ZNF831: variants seen among roughly 807,000 people sequenced by gnomAD.
The protein encoded by ZNF831 is zinc finger protein 831.
Under a neutral mutation model 95.8 loss-of-function variants are expected in ZNF831, and 59 were observed. The ratio of observed to expected loss-of-function variants is 0.62; its 90% confidence interval spans 0.50 to 0.77. ZNF831 has a LOEUF of 0.77. ZNF831 is among the 30% of genes least tolerant of loss of function. The pLI is 0.00. For missense variants in ZNF831, 2,205 were observed against 2,164.0 expected (o/e 1.02, Z -0.38); for synonymous variants, 961 against 925.5 (o/e 1.04, Z -0.70).
At chr20:59,205,422 G>A (rs866328109) in intron 3 of ZNF831, among the ~76,000 whole-genome samples, 6 of 152,148 alleles carry the variant, frequency 3.9e-5, no homozygotes, top group Admixed American at 6.5e-5. Flanking sequence ...CCCCCCAGCC[G>A]GGGAATGACA....
chr20:59,188,163 T>C lies in ZNF831; in HGVS notation c.-36-2821T>C, dbSNP rs1225448193. On this transcript the variant is annotated intron_variant, in intron 1 of 5. Transcript: ENST00000371030. Reference sequence around the variant, plus strand: ...TTTTCAATTCTTTGGGGTATATACCTAGACGTAGAATTGCTGGATCCTATG... The same window carrying C: ...TTTTCAATTCTTTGGGGTATATACCCAGACGTAGAATTGCTGGATCCTATG... 2.6e-5 allele frequency among the ~76,000 whole-genome samples: 4 copies of C among 152,238 alleles called. No homozygotes were observed. In the East Asian group the frequency reaches 5.8e-4, roughly 22 times the overall value.
At chr20:59,236,433 A>G (rs1212255492) in intron 4 of ZNF831, among the ~76,000 whole-genome samples, 3 of 150,720 alleles carry the variant, frequency 2.0e-5, no homozygotes, top group Non-Finnish European at 4.4e-5. Flanking sequence ...ATGAGGGGCC[A>G]TTTTCTTTTA....
rs746923342 is a variant in ZNF831, at chr20:59,191,641, G to C, written c.622G>C (p.Gly208Arg). Residue 208 changes from glycine to arginine, a missense_variant, in exon 2 of 6, where the codon GGC becomes CGC. Coordinates refer to ENST00000371030, the MANE Select transcript of ZNF831 (RefSeq NM_178457.3). Reference sequence around the variant, plus strand: ...CTCCCGGCTGTCCTCAGAGTCCGAGGGCGCCGGGGGCGGCCTCCTGGAGGA... The same window carrying C: ...CTCCCGGCTGTCCTCAGAGTCCGAGCGCGCCGGGGGCGGCCTCCTGGAGGA... ...NNSRLSSESE[G>R]AGGGLLEEGD... The C allele has an allele frequency of 6.4e-7, 1 of 1,566,270 alleles. No individual in the cohort carries two copies. Among genetic ancestry groups the C allele is most frequent in the Non-Finnish European group, 8.7e-7 (1 of 1,155,628 alleles).
intron 3 of ZNF831, among the ~76,000 whole-genome samples, chr20:59,200,262 C>G (rs371871902): frequency 6.6e-6 from 1 of 152,238 alleles, no homozygotes; most frequent in African/African-American, 2.4e-5. Context: ...AATTCTTAGC[C>G]ATCATTCTCC....
In ZNF831 at chr20:59,255,990, G is replaced by C. The variant is rs1988169413; in HGVS notation, c.*1247G>C. 6.6e-6 allele frequency: 1 copy of C among 152,096 alleles called. No individual in the cohort carries two copies. The highest frequency in any genetic ancestry group is 1.5e-5 in the Non-Finnish European group (1 of 68,024). 9.4% of individuals were successfully genotyped at this position (152,096 alleles called of 1,614,324 possible). A position where few individuals can be genotyped will look rare whatever the true frequency, so the allele number is the denominator to read the frequency against. On this transcript the variant is annotated 3_prime_UTR_variant, in exon 6 of 6. Transcript: ENST00000371030. Reference sequence around the variant, plus strand: ...CCACGGGAGAGGAGAAACTTAAAGAGGTTTACATTGCTGCATTTCAATAAA... The same window carrying C: ...CCACGGGAGAGGAGAAACTTAAAGACGTTTACATTGCTGCATTTCAATAAA...
At chr20:59,164,309 G>A (rs1175767059) in intron 1 of ZNF831, among the ~76,000 whole-genome samples, 102 bp downstream of exon 1, 1 of 152,156 alleles carries the variant, frequency 6.6e-6, no homozygotes, top group African/African-American at 2.4e-5. Context: ...CAAGCACGCA[G>A]TTAAAGGGAA....
chr20:59,223,813 C>T (rs1360040334), intron 4 of ZNF831, among the ~76,000 whole-genome samples: 3 of 152,208 alleles, frequency 2.0e-5, no homozygotes, highest in Admixed American at 2.0e-4. Context: ...TTACAGGGTG[C>T]TAATTTAAAC....
intron 3 of ZNF831, among the ~76,000 whole-genome samples, chr20:59,203,294 C>G (rs1207026137): frequency 1.3e-5 from 2 of 152,092 alleles, no homozygotes; most frequent in East Asian, 3.8e-4. Context: ...TAACCATGAG[C>G]AACGCATTAT....
At chr20:59,220,988 G>T (rs1986036749) in intron 4 of ZNF831, among the ~76,000 whole-genome samples, 1 of 152,170 alleles carries the variant, frequency 6.6e-6, no homozygotes, top group Non-Finnish European at 1.5e-5. Context: ...TTAATCTGGT[G>T]CCCAAGAACC....
At chr20:59,156,338 C>G (rs1980539309) in intron 2 of ZNF831, among the ~76,000 whole-genome samples, 2 of 152,116 alleles carry the variant, frequency 1.3e-5, no homozygotes, top group Admixed American at 6.5e-5. Flanking sequence ...CCAGCCTGGC[C>G]AACGTGGTGA....
intron 1 of ZNF831, among the ~76,000 whole-genome samples, chr20:59,175,829 A>T (rs1237877991): frequency 6.6e-6 from 1 of 152,162 alleles, no homozygotes; most frequent in Non-Finnish European, 1.5e-5. Flanking sequence ...TGAGACTTGG[A>T]CATTTTGGGC....
intron 1 of ZNF831, among the ~76,000 whole-genome samples, chr20:59,179,111 A>T (rs1261465298): frequency 6.6e-6 from 1 of 151,968 alleles, no homozygotes; most frequent in Non-Finnish European, 1.5e-5. Context: ...TCCACGACAG[A>T]CTCTGTTCAT....
At chr20:59,156,078 A>G (rs1980522798) in intron 2 of ZNF831, among the ~76,000 whole-genome samples, 1 of 152,196 alleles carries the variant, frequency 6.6e-6, no homozygotes, top group Admixed American at 6.5e-5. Context: ...AGCTGTATGT[A>G]TTTAACATAC....
intron 1 of ZNF831, among the ~76,000 whole-genome samples, chr20:59,178,110 A>T (rs1011037590): frequency 3.3e-5 from 5 of 152,188 alleles, no homozygotes; most frequent in Non-Finnish European, 5.9e-5. Flanking sequence ...AGTCGTGTTT[A>T]GCAGTAGCTG....
In ZNF831 at chr20:59,174,765, AC is replaced by A. The variant is rs527502525; in HGVS notation, c.-37+10559del. 1.1e-3 allele frequency among the ~76,000 whole-genome samples: 173 copies of A among 152,214 alleles called. 2 individuals are homozygous for A. The highest frequency in any genetic ancestry group is 3.9e-3 in the African/African-American group (160 of 41,542). ...AACAAAAAACAAAACAAACAAAAAA[AC>A]ACCCCAAAACAAAAAAGAAAAACTC... On this transcript the variant is annotated intron_variant, in intron 1 of 5. Coordinates refer to ENST00000371030, the MANE Select transcript of ZNF831 (RefSeq NM_178457.3).
At chr20:59,134,978 C>T (rs969576736) in intron 1 of ZNF831, among the ~76,000 whole-genome samples, 14 of 152,144 alleles carry the variant, frequency 9.2e-5, no homozygotes, top group African/African-American at 3.1e-4. Context: ...GAAAAAAAAC[C>T]ATCTGCATGG....
intron 3 of ZNF831, among the ~76,000 whole-genome samples, chr20:59,203,033 C>G (rs559541000): frequency 6.6e-6 from 1 of 151,992 alleles, no homozygotes; most frequent in Non-Finnish European, 1.5e-5. Flanking sequence ...ATTTTTTAAC[C>G]TTGATAATGA....
intron 2 of ZNF831, among the ~76,000 whole-genome samples, chr20:59,150,673 A>G (rs772274411): frequency 2.8e-4 from 43 of 152,088 alleles, no homozygotes; most frequent in Non-Finnish European, 5.1e-4. Flanking sequence ...CAAACAGCCC[A>G]CTATGCTGTG....
chr20:59,254,539 T>G lies in ZNF831; in HGVS notation c.4830T>G (p.Ser1610Arg), dbSNP rs1018224238. ...EMTVPCPSLG[S>R]DGRKRQVSGL... The stretch of plus-strand genomic sequence containing the variant: ...CTGTCCCCTGCCCCTCTTTAGGAAG[T>G]GACGGTAGGAAACGTCAGGTATCTG... Residue 1610 changes from serine to arginine, a missense_variant, in exon 6 of 6, where the codon AGT becomes AGG. Coordinates refer to ENST00000371030, the MANE Select transcript of ZNF831 (RefSeq NM_178457.3). The surrounding 1 kb of genome is among the most constrained non-coding windows in gnomAD (Gnocchi z 4.5). The G allele has an allele frequency of 6.2e-7, 1 of 1,614,104 alleles. No homozygotes were observed. Among genetic ancestry groups the G allele is most frequent in the Non-Finnish European group, 8.5e-7 (1 of 1,180,032 alleles).
Sources: gnomAD v4.1 joint callset for allele counts (sites outside exome capture counted in the v4.1 genomes callset) on GRCh38, gnomAD v4.1.1 for gene constraint, Gnocchi (gnomAD v3.1) non-coding constraint, MANE v1.5 for transcripts, NCBI Gene and HGNC (gene_info 2026-07-23, HGNC 2026-07-21) for gene names.